Variants in PCED1B observed in about 807,000 individuals in gnomAD.
PCED1B encodes PC-esterase domain-containing protein 1B.
For synonymous variants in PCED1B, 251 were observed against 246.1 expected, an observed-to-expected ratio of 1.02 and a Z score of -0.19; for missense variants, 573 against 573.9, an observed-to-expected ratio of 1.00 and a Z score of 0.02.
intron 2 of PCED1B, among the ~76,000 whole-genome samples, chr12:47,168,839 T>A (rs1054730531): frequency 6.6e-6 from 1 of 152,212 alleles, no homozygotes; most frequent in African/African-American, 2.4e-5. Context: ...TCTTTTTTTC[T>A]TATTTCTGAG....
At chr12:47,163,424 G>A in intron 2 of PCED1B, among the ~76,000 whole-genome samples, 1 of 152,086 alleles carries the variant, frequency 6.6e-6, no homozygotes, top group East Asian at 1.9e-4. Flanking sequence ...CCTAAATACT[G>A]TGTTTACAAC....
At chr12:47,217,657 AC>A (rs756280761) in intron 3 of PCED1B, among the ~76,000 whole-genome samples, 24 of 151,964 alleles carry the variant, frequency 1.6e-4, no homozygotes, top group Non-Finnish European at 3.1e-4. Flanking sequence ...GCTCACCGCA[AC>A]CTCCGCCTCC....
At chr12:47,209,614 G>C (rs1355932849) in intron 2 of PCED1B, 1 of 152,176 alleles carries the variant, frequency 6.6e-6, no homozygotes, top group Non-Finnish European at 1.5e-5. Context: ...TAAATGCTTG[G>C]AATAGTATAC....
At chr12:47,212,930 A>G (rs1336287536) in intron 2 of PCED1B, among the ~76,000 whole-genome samples, 1 of 152,368 alleles carries the variant, frequency 6.6e-6, no homozygotes, top group East Asian at 1.9e-4. Flanking sequence ...GTTCTGAACC[A>G]CTAGGCTGCA....
chr12:47,196,543 A>G (rs1279297074), intron 2 of PCED1B, among the ~76,000 whole-genome samples: 1 of 152,252 alleles, frequency 6.6e-6, no homozygotes, highest in Non-Finnish European at 1.5e-5. Flanking sequence ...AAGTTTATAT[A>G]TGGGCTGGGC....
chr12:47,146,911 G>C (rs775448532), intron 2 of PCED1B, among the ~76,000 whole-genome samples: 8 of 150,968 alleles, frequency 5.3e-5, no homozygotes, highest in Non-Finnish European at 8.8e-5. Context: ...CTTTCCTCTT[G>C]CATCTTACTG....
intron 3 of PCED1B, 59 bp from the exon 4 acceptor site, chr12:47,234,948 G>T (rs375279601): frequency 3.1e-6 from 3 of 953,628 alleles, no homozygotes; most frequent in East Asian, 2.6e-5. Flanking sequence ...CCCCCAACCT[G>T]CACTGGGCGC....
At chr12:47,234,709 A>C (rs924532028) in intron 3 of PCED1B, among the ~76,000 whole-genome samples, 1 of 152,130 alleles carries the variant, frequency 6.6e-6, no homozygotes, top group Non-Finnish European at 1.5e-5. Context: ...GGTGGATCAT[A>C]CTTGGCTCCT....
At chr12:47,090,729 A>G (rs1011929874) in intron 1 of PCED1B, among the ~76,000 whole-genome samples, 1 of 152,082 alleles carries the variant, frequency 6.6e-6, no homozygotes, top group African/African-American at 2.4e-5. Context: ...TCTACTGCTC[A>G]TCTTTATGTT....
chr12:47,215,292 C>A (rs1464229655), intron 2 of PCED1B, among the ~76,000 whole-genome samples: 2 of 148,352 alleles, frequency 1.3e-5, no homozygotes, highest in Admixed American at 6.7e-5. Context: ...TTGCTCTTGT[C>A]ACCCTGACTG....
intron 3 of PCED1B, among the ~76,000 whole-genome samples, chr12:47,228,798 G>A (rs1943711028): frequency 6.6e-6 from 1 of 151,364 alleles, no homozygotes; most frequent in African/African-American, 2.4e-5. Context: ...GCTTGAACCT[G>A]GGAGGCGGAG....
At chr12:47,133,207 G>A (rs987782301) in intron 2 of PCED1B, among the ~76,000 whole-genome samples, 8 of 152,034 alleles carry the variant, frequency 5.3e-5, no homozygotes. Flanking sequence ...CCCTTGATAA[G>A]CTAAATTAAA....
At chr12:47,172,340 C>CTTTTTTTTTTTTTTTTTTTTTTGTTTTT (rs34230051) in intron 2 of PCED1B, among the ~76,000 whole-genome samples, 5 of 78,338 alleles carry the variant, frequency 6.4e-5, no homozygotes, top group Admixed American at 1.5e-4. Context: ...TCGTGGGTTG[C>CTTTTTTTTTTTTTTTTTTTTTTGTTTTT]TTTTTTTTTT....
intron 2 of PCED1B, among the ~76,000 whole-genome samples, chr12:47,177,553 G>A (rs1229760426): frequency 6.6e-6 from 1 of 152,128 alleles, no homozygotes; most frequent in Non-Finnish European, 1.5e-5. Context: ...AAAGGAGACG[G>A]GAGAGATGAT....
chr12:47,093,190 C>T (rs1197940406), intron 1 of PCED1B, among the ~76,000 whole-genome samples: 1 of 151,706 alleles, frequency 6.6e-6, no homozygotes, highest in Admixed American at 6.6e-5. Context: ...ATATTTTCAT[C>T]TCTTCTCCTG....
At chr12:47,141,568 C>T (rs910866377) in intron 2 of PCED1B, among the ~76,000 whole-genome samples, 1 of 152,066 alleles carries the variant, frequency 6.6e-6, no homozygotes, top group African/African-American at 2.4e-5. Context: ...TGGGACCCAG[C>T]TCCAAGCTCT....
At chr12:47,200,248 G>A (rs1269721163) in intron 2 of PCED1B, among the ~76,000 whole-genome samples, 1 of 151,854 alleles carries the variant, frequency 6.6e-6, no homozygotes, top group East Asian at 1.9e-4. Context: ...TCAACAGTAT[G>A]AAAGCAAACA....
chr12:47,223,070 T>C (rs1284740617), intron 3 of PCED1B, among the ~76,000 whole-genome samples: 6 of 151,980 alleles, frequency 3.9e-5, no homozygotes, highest in Non-Finnish European at 8.8e-5. Flanking sequence ...AGCCCTTCAG[T>C]GGGCCTTGAG....
In PCED1B at chr12:47,235,311, G is replaced by C. The variant is rs1176026285; in HGVS notation, c.248G>C (p.Arg83Pro). 1 of 1,613,980 alleles carries C rather than the reference G, an allele frequency of 6.2e-7. No individual in the cohort carries two copies. Among genetic ancestry groups the C allele is most frequent in the African/African-American group, 1.3e-5 (1 of 75,050 alleles). ...GLNYREVREF[R>P]SDHHLVRFYF... ...AACTACCGTGAGGTCCGCGAGTTCC[G>C]CTCCGACCACCATCTGGTACGTTTT... The change falls in exon 4 of 4, where the codon CGC becomes CCC. Residue 83 changes from arginine to proline, a missense_variant. Physicochemically the swap from Arg to Pro is moderately radical, Grantham distance 103. Transcript: ENST00000546455.
Sources: allele counts gnomAD v4.1 joint callset (sites outside exome capture counted in the v4.1 genomes callset), GRCh38; gene constraint gnomAD v4.1.1; transcripts MANE v1.5; gene names NCBI Gene and HGNC (gene_info 2026-07-23, HGNC 2026-07-21).